Variants in ANK1 observed in about 807,000 individuals in gnomAD.
ANK1 encodes the protein ankyrin-1.
A neutral mutation model predicts 210.4 loss-of-function variants in ANK1; 51 were observed. That is an observed-to-expected ratio of 0.24 (90% confidence interval 0.19 to 0.31). ANK1 has a LOEUF of 0.31. ANK1 is among the 10% of genes least tolerant of loss of function. ANK1 has a pLI of 1.00. For synonymous variants in ANK1, 967 were observed against 1,025.9 expected (o/e 0.94, Z 1.10); for missense variants, 2,051 against 2,504.4 (o/e 0.82, Z 3.86).
chr8:41,661,079 T>C (rs1585793954), intron 42 of ANK1: 1 of 335,994 alleles, frequency 3.0e-6, no homozygotes, highest in East Asian at 7.4e-5. Context: ...TCTTGCTCTG[T>C]TGCCCAGGCT....
intron 22 of ANK1, 65 bp downstream of exon 22, chr8:41,701,485 C>A (rs940745756): frequency 6.0e-6 from 9 of 1,491,294 alleles, no homozygotes; most frequent in Non-Finnish European, 8.4e-6. Flanking sequence ...TGGCAGGAAG[C>A]CCCCTTGGAG....
chr8:41,884,593 C>T (rs1818130114), intron 1 of ANK1, among the ~76,000 whole-genome samples: 1 of 151,494 alleles, frequency 6.6e-6, no homozygotes, highest in Non-Finnish European at 1.5e-5. Context: ...CCAGAGCTTT[C>T]AGAGTCCGAG....
intron 2 of ANK1, among the ~76,000 whole-genome samples, chr8:41,740,191 A>T (rs1586612813): frequency 6.0e-5 from 8 of 133,210 alleles, no homozygotes; most frequent in Non-Finnish European, 4.7e-5. Context: ...ATGGAGTTTC[A>T]CTCTCATTGC....
Position 41,683,047 on chromosome 8 carries a change from CAT to C in ANK1, c.4537+1495_4537+1496del, listed in dbSNP as rs111635014. ...AGCAACACCCACGGACACACACACA[CAT>C]GTATGCACACGCACACACATGAACA... On this transcript the variant is annotated intron_variant, in intron 37 of 42. Transcript: ENST00000289734. Among the ~76,000 whole-genome samples, 588 of 152,278 alleles carry C rather than the reference CAT, an allele frequency of 3.9e-3. 3 individuals are homozygous for C. Among genetic ancestry groups the C allele is most frequent in the African/African-American group, 5.8e-3 (240 of 41,550 alleles).
intron 1 of ANK1, among the ~76,000 whole-genome samples, chr8:41,882,381 C>T (rs1029787332): frequency 6.6e-6 from 1 of 152,100 alleles, no homozygotes; most frequent in African/African-American, 2.4e-5. Context: ...CCAAACCTGA[C>T]CATCACCTTC....
At chr8:41,695,506 G>C (rs1820639476) in intron 26 of ANK1, among the ~76,000 whole-genome samples, 175 bp from the exon 27 acceptor site, 1 of 152,144 alleles carries the variant, frequency 6.6e-6, no homozygotes, top group Non-Finnish European at 1.5e-5. Flanking sequence ...GGTTCCCCAG[G>C]GCTTCCCATG....
Position 41,714,989 on chromosome 8 carries a change from T to G in ANK1, c.1688A>C (p.Asn563Thr). The change falls in exon 15 of 43, where the codon AAT becomes ACT. Residue 563 changes from asparagine (N) to threonine (T), a missense_variant. By Grantham distance (65) the Asn-to-Thr change is moderately conservative. Around this residue, in one of 6 missense-constraint regions of ANK1, gnomAD observed 1,413 missense variants for 1,707.4 expected, o/e 0.83. Transcript: ENST00000289734. ...ELLLERDAHP[N>T]AAGKNGLTPL... is the part of the protein sequence containing the mutation. ...GTTCAAACTCACTTTTCCGGCAGCA[T>G]TCGGGTGTGCGTCCCGCTCCAGCAG... 1 of 1,614,170 alleles carries G rather than the reference T, an allele frequency of 6.2e-7. No homozygotes were observed. Among genetic ancestry groups the G allele is most frequent in the Non-Finnish European group, 8.5e-7 (1 of 1,180,012 alleles).
chr8:41,849,515 C>A (rs1011243962), intron 1 of ANK1, among the ~76,000 whole-genome samples: 22 of 48,254 alleles, frequency 4.6e-4, no homozygotes, highest in African/African-American at 2.2e-3. Context: ...GAGAGCGAGA[C>A]AATGTCCCAA....
At chr8:41,742,351 A>G (rs747084253) in intron 2 of ANK1, among the ~76,000 whole-genome samples, 7 of 152,222 alleles carry the variant, frequency 4.6e-5, no homozygotes, top group African/African-American at 7.2e-5. Context: ...TGTCTCTGCA[A>G]AACTGCAAGA....
At chr8:41,759,518 C>CAAACAAACAAAA (rs1440025852) in intron 1 of ANK1, among the ~76,000 whole-genome samples, 1 of 152,000 alleles carries the variant, frequency 6.6e-6, no homozygotes, top group African/African-American at 2.4e-5. Context: ...AACAAACAAA[C>CAAACAAACAAAA]AAACAAAAAA....
rs767428025 is a variant in ANK1, at chr8:41,690,498, C to T, written c.3960G>A (p.Glu1320=). The T allele has an allele frequency of 6.2e-7, 1 of 1,614,088 alleles. No individual in the cohort carries two copies. Among genetic ancestry groups the T allele is most frequent in the African/African-American group, 1.3e-5 (1 of 74,914 alleles). Reference sequence around the variant, plus strand: ...CCTTTACAGGCATGGCCAGACGGTTCTCCCGAAATGACTGGAAGTGGAAGC... The same window carrying T: ...CCTTTACAGGCATGGCCAGACGGTTTTCCCGAAATGACTGGAAGTGGAAGC... ...QRSFHFQSFR[E]NRLAMPVKVR... The change falls in exon 32 of 43, where the codon GAG becomes GAA. Residue 1320 remains glutamate, a synonymous_variant. Transcript: ENST00000289734.
intron 1 of ANK1, among the ~76,000 whole-genome samples, chr8:41,819,958 ACTGG>A (rs1803934246): frequency 6.6e-6 from 1 of 152,182 alleles, no homozygotes; most frequent in African/African-American, 2.4e-5. Context: ...AGCTCAAACC[ACTGG>A]CTTATGTAGG....
chr8:41,863,631 G>A (rs1273606481), intron 1 of ANK1, among the ~76,000 whole-genome samples: 2 of 152,160 alleles, frequency 1.3e-5, no homozygotes, highest in African/African-American at 2.4e-5. Context: ...GCTTTGGGTT[G>A]GTTAAAGCCT....
At chr8:41,784,467 G>A (rs1407207542) in intron 1 of ANK1, among the ~76,000 whole-genome samples, 1 of 152,310 alleles carries the variant, frequency 6.6e-6, no homozygotes, top group African/African-American at 2.4e-5. Flanking sequence ...AATAAGATCT[G>A]TAATACAATT....
intron 1 of ANK1, among the ~76,000 whole-genome samples, chr8:41,814,413 T>C (rs572319912): frequency 6.6e-6 from 1 of 152,128 alleles, no homozygotes; most frequent in African/African-American, 2.4e-5. Context: ...ATGTAATTAG[T>C]TCTTATTCTG....
At chr8:41,801,975 T>TTTTTG (rs781299206), upstream of ANK1, among the ~76,000 whole-genome samples, 47 of 152,172 alleles carry the variant, frequency 3.1e-4, no homozygotes, top group East Asian at 3.3e-3. Flanking sequence ...TTTTATAGGG[T>TTTTTG]TTTTGTTTTG....
chr8:41,725,618 C>A, intron 6 of ANK1, 143 bp downstream of exon 6: 2 of 1,150,896 alleles, frequency 1.7e-6, no homozygotes, highest in African/African-American at 1.5e-5. Flanking sequence ...GGCCCCTCTG[C>A]GTCCTGGGGT....
intron 1 of ANK1, among the ~76,000 whole-genome samples, chr8:41,786,254 C>G (rs990841441): frequency 6.6e-6 from 1 of 152,180 alleles, no homozygotes; most frequent in African/African-American, 2.4e-5. Context: ...CAGAGGGGGG[C>G]TCCCTGTAGG....
intron 42 of ANK1, chr8:41,660,653 C>T (rs536562254): frequency 2.4e-6 from 1 of 421,158 alleles, no homozygotes; most frequent in South Asian, 1.7e-5. Context: ...CACACTGCCC[C>T]ATGCTCACAC....
Sources: allele counts gnomAD v4.1 joint callset (sites outside exome capture counted in the v4.1 genomes callset), GRCh38; gene constraint gnomAD v4.1.1; regional missense constraint gnomAD v4.1.1; transcripts MANE v1.5; gene names NCBI Gene and HGNC (gene_info 2026-07-23, HGNC 2026-07-21).